Variants in COL24A1 observed in about 807,000 individuals in gnomAD.
COL24A1 encodes the protein collagen type XXIV alpha 1 chain, also known as collagen alpha-1(XXIV) chain.
Under a neutral mutation model 253.9 loss-of-function variants are expected in COL24A1, and 224 were observed. The ratio of observed to expected loss-of-function variants is 0.88; its 90% confidence interval spans 0.79 to 0.99. COL24A1 has a LOEUF of 0.99. Ranked by LOEUF, COL24A1 falls within the 50% of genes least tolerant of loss-of-function variation. The probability of loss-of-function intolerance (pLI) is 0.00; values close to 1 mark genes in which losing one functional copy is unlikely to be tolerated. For synonymous variants in COL24A1, 685 were observed against 673.7 expected (o/e 1.02, Z -0.26); for missense variants, 2,131 against 2,068.5 (o/e 1.03, Z -0.59).
chr1:85,747,168 G>T (rs1665318418), intron 55 of COL24A1, among the ~76,000 whole-genome samples: 1 of 143,126 alleles, frequency 7.0e-6, no homozygotes. Context: ...CTGAAGTGCA[G>T]TGGTGCGATC....
At chr1:86,064,011 A>G (rs1422690994) in intron 7 of COL24A1, among the ~76,000 whole-genome samples, 2 of 152,026 alleles carry the variant, frequency 1.3e-5, no homozygotes, top group African/African-American at 2.4e-5. Context: ...GTTATTATCA[A>G]CTAAAATGGT....
intron 28 of COL24A1, among the ~76,000 whole-genome samples, chr1:85,899,984 C>T (rs892768797): frequency 3.3e-5 from 5 of 151,980 alleles, no homozygotes; most frequent in African/African-American, 7.3e-5. Flanking sequence ...AGGTTAATCC[C>T]GTCAGCAAGT....
intron 47 of COL24A1, among the ~76,000 whole-genome samples, chr1:85,787,057 C>T (rs1276096741): frequency 6.6e-6 from 1 of 152,026 alleles, no homozygotes; most frequent in African/African-American, 2.4e-5. Context: ...AAGAATAATA[C>T]TTAAAGACAT....
At chr1:86,112,053 C>T (rs1365469797) in intron 5 of COL24A1, among the ~76,000 whole-genome samples, 3 of 152,182 alleles carry the variant, frequency 2.0e-5, no homozygotes, top group African/African-American at 7.2e-5. Flanking sequence ...ATTCCGGACA[C>T]AATATGACTA....
chr1:85,969,635 A>G (rs1029331383), intron 22 of COL24A1, among the ~76,000 whole-genome samples: 12 of 141,478 alleles, frequency 8.5e-5, no homozygotes, highest in South Asian at 4.4e-4. Flanking sequence ...AAAAAAAAAA[A>G]GGAAGAACCA....
chr1:85,957,693 T>C (rs1690612073), intron 24 of COL24A1, among the ~76,000 whole-genome samples: 1 of 152,200 alleles, frequency 6.6e-6, no homozygotes, highest in African/African-American at 2.4e-5. Context: ...CTCATTCATA[T>C]AGACTACTAC....
chr1:85,879,297 C>A (rs1681558337), intron 32 of COL24A1, among the ~76,000 whole-genome samples: 1 of 150,366 alleles, frequency 6.7e-6, no homozygotes, highest in African/African-American at 2.4e-5. Flanking sequence ...AGATCTGCAT[C>A]TAGATTCACG....
intron 3 of COL24A1, among the ~76,000 whole-genome samples, chr1:86,116,784 C>T (rs1412600066): frequency 6.6e-6 from 1 of 151,954 alleles, no homozygotes; most frequent in Non-Finnish European, 1.5e-5. Flanking sequence ...TTCTCTTACC[C>T]CCTAAATTTA....
At chr1:86,057,121 G>T (rs1700721870) in intron 10 of COL24A1, among the ~76,000 whole-genome samples, 1 of 152,122 alleles carries the variant, frequency 6.6e-6, no homozygotes, top group African/African-American at 2.4e-5. Context: ...CTCGTGGATG[G>T]TTTAGCATCA....
At chr1:86,042,787 T>C (rs17406644) in intron 12 of COL24A1, among the ~76,000 whole-genome samples, 14,172 of 152,204 alleles carry the variant, frequency 0.093, 780 homozygotes, top group Middle Eastern at 0.2. Flanking sequence ...TATAGTAACA[T>C]CTTCCCAAAT....
chr1:85,895,065 T>C (rs1474235174), intron 31 of COL24A1, among the ~76,000 whole-genome samples: 4 of 152,128 alleles, frequency 2.6e-5, no homozygotes, highest in Admixed American at 2.0e-4. Context: ...ATTAAAATTC[T>C]GAATGAAAGT....
intron 23 of COL24A1, 92 bp downstream of exon 23, chr1:85,964,917 T>A (rs1210886884): frequency 9.3e-7 from 1 of 1,080,206 alleles, no homozygotes; most frequent in Non-Finnish European, 1.4e-6. Flanking sequence ...TCTTTTTAAG[T>A]TGATGTGTTC....
At chr1:86,017,236 C>T in intron 18 of COL24A1, 32 bp from the exon 19 acceptor site, 1 of 1,517,694 alleles carries the variant, frequency 6.6e-7, no homozygotes, top group Non-Finnish European at 8.8e-7. Flanking sequence ...AAAGTATAAA[C>T]ATAAACTTAA....
chr1:86,061,118 C>A (rs1459723323), intron 8 of COL24A1, among the ~76,000 whole-genome samples: 1 of 151,990 alleles, frequency 6.6e-6, no homozygotes, highest in African/African-American at 2.4e-5. Flanking sequence ...GGAATTAAAT[C>A]AGCAAGTCTA....
intron 5 of COL24A1, among the ~76,000 whole-genome samples, chr1:86,095,108 C>A (rs554228630): frequency 6.6e-6 from 1 of 151,200 alleles, no homozygotes; most frequent in East Asian, 1.9e-4. Context: ...ATAATAAAAC[C>A]CTTTGTGGCC....
chr1:85,837,135 C>T (rs1048342834), intron 43 of COL24A1, among the ~76,000 whole-genome samples: 4 of 152,100 alleles, frequency 2.6e-5, no homozygotes, highest in Middle Eastern at 3.4e-3. Flanking sequence ...CTTCTCAACT[C>T]GGAGAAAAGT....
Position 85,911,355 on chromosome 1 carries a change from A to G in COL24A1, c.2616+25T>C, listed in dbSNP as rs376736542. On this transcript the variant is annotated intron_variant, in intron 25 of 59. Coordinates refer to ENST00000370571, the MANE Select transcript of COL24A1 (RefSeq NM_152890.7). ...ATTTAGCCTAGATTTCTTCCTATAA[A>G]ACAAAATAATTCTTAAAAAATTACC... The G allele has an allele frequency of 6.9e-6, 11 of 1,598,740 alleles. No individual in the cohort carries two copies. The African/African-American group carries it at 1.3e-4, about 20-fold the overall frequency.
chr1:85,937,744 T>C (rs1688360046), intron 24 of COL24A1, among the ~76,000 whole-genome samples: 2 of 147,516 alleles, frequency 1.4e-5, no homozygotes, highest in Admixed American at 1.4e-4. Context: ...GCCCACAACA[T>C]GGTACCATTC....
chr1:85,737,349 G>T, intron 58 of COL24A1, 47 bp downstream of exon 58: 2 of 1,114,950 alleles, frequency 1.8e-6, no homozygotes, highest in African/African-American at 1.6e-5. Context: ...ATTTTTCACT[G>T]ATACTGTGCA....
Sources: allele counts gnomAD v4.1 joint callset (sites outside exome capture counted in the v4.1 genomes callset), GRCh38; gene constraint gnomAD v4.1.1; transcripts MANE v1.5; gene names NCBI Gene and HGNC (gene_info 2026-07-23, HGNC 2026-07-21).